IL1R1: variants seen among roughly 807,000 people sequenced by gnomAD.
The protein encoded by IL1R1 is interleukin 1 receptor type 1, also known as interleukin-1 receptor type 1.
In IL1R1, 22 loss-of-function variants were observed where a neutral mutation model predicts 50.2. That is an observed-to-expected ratio of 0.44 (90% CI 0.31 to 0.63). The LOEUF (loss-of-function observed/expected upper bound fraction) is 0.63. Among genes scored for constraint, IL1R1 ranks in the 20% least tolerant of loss-of-function variants. The probability of loss-of-function intolerance (pLI) is 0.07; values close to 1 mark genes in which losing one functional copy is unlikely to be tolerated. For synonymous variants in IL1R1, 251 were observed against 236.7 expected, an observed-to-expected ratio of 1.06 and a Z score of -0.55; for missense variants, 509 against 676.2, an observed-to-expected ratio of 0.75 and a Z score of 2.74.
At chr2:102,163,810 G>A (rs1034167884) in intron 3 of IL1R1, among the ~76,000 whole-genome samples, 1 of 152,044 alleles carries the variant, frequency 6.6e-6, no homozygotes, top group African/African-American at 2.4e-5. Context: ...TTGGGTGCTG[G>A]ATATTTTCGT....
intron 2 of IL1R1, among the ~76,000 whole-genome samples, chr2:102,156,514 C>T (rs1165736913): frequency 1.3e-5 from 2 of 151,602 alleles, no homozygotes; most frequent in Admixed American, 1.3e-4. Context: ...AATACCTATA[C>T]ACCTTTTTTT....
At chr2:102,164,093 C>G (rs946115978) in intron 3 of IL1R1, among the ~76,000 whole-genome samples, 1 of 152,114 alleles carries the variant, frequency 6.6e-6, no homozygotes, top group Non-Finnish European at 1.5e-5. Context: ...GTTTGGTAGT[C>G]CTCCCTCTAG....
At chr2:102,146,880 G>A (rs1344291098) in intron 1 of IL1R1, among the ~76,000 whole-genome samples, 1 of 152,108 alleles carries the variant, frequency 6.6e-6, no homozygotes, top group Admixed American at 6.6e-5. Context: ...ATCACCCAGG[G>A]TCCCCTTCCC....
chr2:102,168,986 T>C (rs1214868629), intron 7 of IL1R1, among the ~76,000 whole-genome samples: 1 of 152,076 alleles, frequency 6.6e-6, no homozygotes, highest in Non-Finnish European at 1.5e-5. Context: ...TTCTTTTTTT[T>C]TTTTTCACAG....
At chr2:102,148,334 A>C (rs1683337011) in intron 1 of IL1R1, among the ~76,000 whole-genome samples, 1 of 152,158 alleles carries the variant, frequency 6.6e-6, no homozygotes, top group South Asian at 2.1e-4. Flanking sequence ...AATTTGCCCC[A>C]CAGGTATGAG....
At chr2:102,172,573 G>A (rs1685783633) in intron 8 of IL1R1, 114 bp from the exon 9 acceptor site, 5 of 1,083,442 alleles carry the variant, frequency 4.6e-6, no homozygotes, top group Non-Finnish European at 6.3e-6. Context: ...TGGGCAGGGT[G>A]ATTATTTCAG....
At chr2:102,165,904 C>G (rs1685143024) in intron 5 of IL1R1, among the ~76,000 whole-genome samples, 1 of 152,128 alleles carries the variant, frequency 6.6e-6, no homozygotes, top group African/African-American at 2.4e-5. Context: ...TAGTACAAGT[C>G]TCATAGACTT....
upstream of IL1R1, among the ~76,000 whole-genome samples, chr2:102,138,473 T>C (rs1426987015): frequency 1.3e-5 from 2 of 152,246 alleles, no homozygotes; most frequent in Admixed American, 1.3e-4. Context: ...TTATGAAATA[T>C]GTCACACTTT....
chr2:102,131,151 G>A (rs936179992), intron 1 of IL1R1, among the ~76,000 whole-genome samples: 2 of 152,178 alleles, frequency 1.3e-5, no homozygotes, highest in Non-Finnish European at 2.9e-5. Context: ...ATTTGTTAGA[G>A]GACTCAGAAG....
chr2:102,171,260 A>G (rs1685649316), intron 7 of IL1R1, among the ~76,000 whole-genome samples: 1 of 152,176 alleles, frequency 6.6e-6, no homozygotes, highest in African/African-American at 2.4e-5. Context: ...TTTGGGGAAA[A>G]TCGTGCTCAC....
chr2:102,075,367 T>C (rs1448759343), intron 1 of IL1R1, among the ~76,000 whole-genome samples: 2 of 152,210 alleles, frequency 1.3e-5, no homozygotes, highest in African/African-American at 4.8e-5. Context: ...ACTGAGGAAA[T>C]CTGGGGATCC....
rs2104658203 is a variant in IL1R1 at position 102,176,612 on chromosome 2, G to A, written c.1563G>A (p.Gln521=). 1 of 1,614,178 alleles carries A rather than the reference G, an allele frequency of 6.2e-7. No homozygotes were observed. The highest frequency in any genetic ancestry group is 1.1e-5 in the South Asian group (1 of 91,086). The part of the protein sequence containing the change: ...GAIRWSGDFT[Q]GPQSAKTRFW... ...TCCGCTGGTCAGGGGACTTTACACA[G>A]GGACCACAGTCTGCAAAGACAAGGT... Residue 521 remains glutamine (Q), a synonymous_variant, in exon 12 of 12, where the codon CAG becomes CAA. Transcript: ENST00000410023.
intron 1 of IL1R1, among the ~76,000 whole-genome samples, chr2:102,127,842 G>A (rs982712932): frequency 6.6e-6 from 1 of 152,106 alleles, no homozygotes; most frequent in East Asian, 1.9e-4. Flanking sequence ...ATTCAAGTTT[G>A]GATAGAACTT....
In IL1R1 at chr2:102,092,341, C is replaced by T. The variant is rs114756143; in HGVS notation, c.-84+21808C>T. 3.6e-3 allele frequency among the ~76,000 whole-genome samples: 555 copies of T among 152,224 alleles called. 6 individuals carry two copies. The highest frequency in any genetic ancestry group is 0.012 in the African/African-American group (505 of 41,546). On this transcript the variant is annotated intron_variant, in intron 1 of 11. Transcript: ENST00000409929. ...CTTCTCTGAAAATTTTGTTTTTCCG[C>T]TCCTAGTCGTTTTCTTAGCTCTTTG...
At chr2:102,083,087 C>G (rs1351770796) in intron 1 of IL1R1, among the ~76,000 whole-genome samples, 2 of 152,126 alleles carry the variant, frequency 1.3e-5, no homozygotes, top group Admixed American at 6.5e-5. Flanking sequence ...CTTTGCACCC[C>G]TGATGCTCCG....
At chr2:102,116,812 T>C (rs1360216577) in intron 1 of IL1R1, among the ~76,000 whole-genome samples, 2 of 152,212 alleles carry the variant, frequency 1.3e-5, no homozygotes, top group Non-Finnish European at 2.9e-5. Flanking sequence ...ACGTTAGCAC[T>C]TTCTACTCTT....
intron 1 of IL1R1, among the ~76,000 whole-genome samples, chr2:102,083,208 G>T (rs1679290517): frequency 6.6e-6 from 1 of 152,172 alleles, no homozygotes; most frequent in Non-Finnish European, 1.5e-5. Context: ...TGAGATTCAT[G>T]CACTGACTCA....
intron 1 of IL1R1, among the ~76,000 whole-genome samples, chr2:102,149,076 G>A (rs1300713782): frequency 2.0e-5 from 3 of 152,158 alleles, no homozygotes; most frequent in Non-Finnish European, 4.4e-5. Context: ...GAACACATGG[G>A]CTGTGACATT....
Position 102,108,938 on chromosome 2 carries a change from T to A in IL1R1, c.-84+4066T>A, listed in dbSNP as rs566841079. Among the ~76,000 whole-genome samples the A allele has an allele frequency of 3.8e-3, 528 of 137,252 alleles. 4 individuals are homozygous for A. The highest frequency in any genetic ancestry group is 0.014 in the African/African-American group (502 of 34,732). The allele number at this position is 137,252 out of a possible 152,430, so 90.0% of individuals were successfully genotyped here. ...CTGACATTTAGTAATGGTTTGAACT[T>A]GGTACTGAATAATAATAATAATAAT... On this transcript the variant is annotated intron_variant, in intron 1 of 10. Transcript: ENST00000409329.
Sources: allele counts gnomAD v4.1 joint callset (sites outside exome capture counted in the v4.1 genomes callset), GRCh38; gene constraint gnomAD v4.1.1; transcripts MANE v1.5; gene names NCBI Gene and HGNC (gene_info 2026-07-23, HGNC 2026-07-21).